The following TMEM181 variants were observed in gnomAD, a reference collection of about 807,000 sequenced individuals.
TMEM181 encodes G protein-coupled receptor 178.
A neutral mutation model predicts 71.9 loss-of-function variants in TMEM181; 39 were observed. The observed-to-expected ratio is 0.54, with a 90% CI of 0.42 to 0.71. The LOEUF (loss-of-function observed/expected upper bound fraction) is 0.71, where lower values mean the gene tolerates loss of function less well. Among genes scored for constraint, TMEM181 ranks in the 30% least tolerant of loss-of-function variants. The pLI, the probability that TMEM181 is intolerant of heterozygous loss-of-function variation, is 0.00. For missense variants in TMEM181, 595 were observed against 583.0 expected, an observed-to-expected ratio of 1.02 and a Z score of -0.21; for synonymous variants, 245 against 228.8, an observed-to-expected ratio of 1.07 and a Z score of -0.64.
chr6:158,610,570 CAG>C, intron 10 of TMEM181: 1 of 432,654 alleles, frequency 2.3e-6, no homozygotes, highest in East Asian at 4.7e-5. Context: ...CACAAGGACA[CAG>C]AGGCATCTCC....
intron 10 of TMEM181, among the ~76,000 whole-genome samples, chr6:158,623,290 G>A (rs1311258055): frequency 1.3e-5 from 2 of 152,050 alleles, no homozygotes; most frequent in Non-Finnish European, 2.9e-5. Flanking sequence ...TAGTATATAG[G>A]GTTTTGTGTA....
intron 10 of TMEM181, among the ~76,000 whole-genome samples, chr6:158,623,071 C>T (rs1002722830): frequency 6.6e-6 from 1 of 152,204 alleles, no homozygotes; most frequent in African/African-American, 2.4e-5. Flanking sequence ...TTTCATGCCA[C>T]AGTGACCCAA....
chr6:158,583,810 A>T (rs1274419247), intron 3 of TMEM181, 144 bp from the exon 4 acceptor site: 5 of 572,788 alleles, frequency 8.7e-6, no homozygotes, highest in Non-Finnish European at 8.8e-6. Context: ...AATAAAAAAA[A>T]GAAGGAAAAC....
At chr6:158,591,901 T>TA (rs1216227243) in intron 6 of TMEM181, among the ~76,000 whole-genome samples, 1 of 152,126 alleles carries the variant, frequency 6.6e-6, no homozygotes, top group African/African-American at 2.4e-5. Flanking sequence ...ATTTGGTACA[T>TA]ATGTTAGGTG....
At chr6:158,536,710 A>G (rs745456142) in exon 1 of TMEM181, 2 of 1,547,416 alleles carry the variant, frequency 1.3e-6, no homozygotes, top group South Asian at 1.2e-5. Flanking sequence ...GAGCGGCGGG[A>G]CCGGGACCCG....
At chr6:158,615,760 G>C (rs1460922328) in intron 10 of TMEM181, among the ~76,000 whole-genome samples, 2 of 152,090 alleles carry the variant, frequency 1.3e-5, no homozygotes, top group African/African-American at 4.8e-5. Context: ...CCCATTTCTT[G>C]TTTTTGTCAG....
intron 1 of TMEM181, among the ~76,000 whole-genome samples, chr6:158,567,380 C>T (rs372596377): frequency 1.3e-5 from 2 of 152,220 alleles, no homozygotes; most frequent in African/African-American, 4.8e-5. Context: ...TTTGGAATAA[C>T]GAGTGGAAGT....
chr6:158,574,321 G>A (rs970697189), intron 2 of TMEM181, among the ~76,000 whole-genome samples: 4 of 152,156 alleles, frequency 2.6e-5, no homozygotes, highest in African/African-American at 9.7e-5. Flanking sequence ...GGGGGAGAGT[G>A]CTGTTTATCT....
intron 9 of TMEM181, 56 bp downstream of exon 9, chr6:158,608,519 C>G: frequency 6.2e-7 from 1 of 1,612,688 alleles, no homozygotes; most frequent in African/African-American, 1.3e-5. Context: ...TCCTCCCTCC[C>G]GAACTCTGAG....
intron 1 of TMEM181, among the ~76,000 whole-genome samples, chr6:158,541,624 T>C (rs7766160): frequency 2.0e-5 from 3 of 151,918 alleles, no homozygotes; most frequent in African/African-American, 7.3e-5. Flanking sequence ...CACGCCTCCA[T>C]GCTGGCCAAC....
In TMEM181 at chr6:158,589,732, A is replaced by G. The variant is rs777626180; in HGVS notation, c.442A>G (p.Ile148Val). The G allele has an allele frequency of 2.5e-6, 4 of 1,614,168 alleles. No homozygotes were observed. Among genetic ancestry groups the G allele is most frequent in the Non-Finnish European group, 3.4e-6 (4 of 1,180,030 alleles). ...GYLNYTQYTV[I>V]VGFEHLKLPI... ...CCTGAACTACACTCAGTATACAGTGATAGTGGGATTTGAACACCTGAAGCT... is the reference window on the plus strand; with the variant it reads ...CCTGAACTACACTCAGTATACAGTGGTAGTGGGATTTGAACACCTGAAGCT... The change falls in exon 6 of 17, where the codon ATA (isoleucine) becomes GTA (valine). Residue 148 changes from isoleucine (I) to valine (V), a missense_variant. Transcript: ENST00000684151.
chr6:158,539,839 G>C (rs1414144986), intron 1 of TMEM181, among the ~76,000 whole-genome samples: 1 of 152,174 alleles, frequency 6.6e-6, no homozygotes, highest in African/African-American at 2.4e-5. Flanking sequence ...TAACTGCCGG[G>C]CCTTGTGGTG....
intron 1 of TMEM181, among the ~76,000 whole-genome samples, chr6:158,539,542 C>A (rs1781259790): frequency 2.6e-5 from 4 of 152,216 alleles, no homozygotes; most frequent in Admixed American, 2.6e-4. Flanking sequence ...CGGGGACTCA[C>A]CTCACGTGGT....
At chr6:158,588,015 A>G (rs1258254663) in intron 5 of TMEM181, among the ~76,000 whole-genome samples, 1 of 152,072 alleles carries the variant, frequency 6.6e-6, no homozygotes, top group Non-Finnish European at 1.5e-5. Context: ...GCCAGAGGGG[A>G]AAGGTGAATT....
At chr6:158,600,491 A>ATGGAATCT (rs1297179739) in intron 6 of TMEM181, among the ~76,000 whole-genome samples, 3 of 77,998 alleles carry the variant, frequency 3.8e-5, no homozygotes, top group African/African-American at 5.4e-5. Context: ...TTTTTTGGAG[A>ATGGAATCT]TGGAATCTTG....
chr6:158,593,285 A>G (rs975184909), intron 6 of TMEM181, among the ~76,000 whole-genome samples: 2 of 152,276 alleles, frequency 1.3e-5, no homozygotes, highest in African/African-American at 4.8e-5. Flanking sequence ...TACTGATTTA[A>G]GACAAGAAAA....
Position 158,617,118 on chromosome 6 carries a change from T to G in TMEM181, c.897-6432T>G, listed in dbSNP as rs113193956. On this transcript the variant is annotated intron_variant, in intron 10 of 16. Coordinates refer to ENST00000684151, the MANE Select transcript of TMEM181 (RefSeq NM_001376852.1). Reference sequence around the variant, plus strand: ...GCTGTGAATCCGTCTGGTCCTGGACTTTTTTTCGTTGGTAAGCTATTAATT... The same window carrying G: ...GCTGTGAATCCGTCTGGTCCTGGACGTTTTTTCGTTGGTAAGCTATTAATT... Among the ~76,000 whole-genome samples the G allele has an allele frequency of 3.0e-4, 45 of 152,320 alleles. 2 individuals carry two copies. Among genetic ancestry groups the G allele is most frequent in the African/African-American group, 1.1e-3 (45 of 41,562 alleles).
chr6:158,632,113 A>G lies in TMEM181; in HGVS notation c.*225A>G, dbSNP rs1399897905. 1.9e-6 allele frequency: 1 copy of G among 531,740 alleles called. No individual in the cohort carries two copies. The highest frequency in any genetic ancestry group is 3.0e-5 in the East Asian group (1 of 33,038). 32.9% of individuals were successfully genotyped at this position (531,740 alleles called of 1,614,324 possible). A position where few individuals can be genotyped will look rare whatever the true frequency, so the allele number is the denominator to read the frequency against. On this transcript the variant is annotated 3_prime_UTR_variant, in exon 17 of 17. Transcript: ENST00000684151. ...GAAGAGGCATTGATAACAAGTTTCA[A>G]CAGCCAAATCCTTTTTTACAGAGAT...
chr6:158,581,317 A>G (rs1783457752), intron 3 of TMEM181, among the ~76,000 whole-genome samples: 2 of 152,208 alleles, frequency 1.3e-5, no homozygotes, highest in Non-Finnish European at 2.9e-5. Context: ...ATTTTTAATA[A>G]TGATACCACT....
Sources: allele counts gnomAD v4.1 joint callset (sites outside exome capture counted in the v4.1 genomes callset), GRCh38; gene constraint gnomAD v4.1.1; transcripts MANE v1.5; gene names NCBI Gene and HGNC (gene_info 2026-07-23, HGNC 2026-07-21).